Variants in NKD1 observed in about 807,000 individuals in gnomAD.
NKD1 encodes NKD inhibitor of Wnt signaling pathway 1, also known as protein naked cuticle homolog 1.
A neutral mutation model predicts 56.0 loss-of-function variants in NKD1; 21 were observed. The observed-to-expected ratio is 0.38, with a 90% CI of 0.27 to 0.54. The LOEUF (loss-of-function observed/expected upper bound fraction) is 0.54. Among genes scored for constraint, NKD1 ranks in the 20% least tolerant of loss-of-function variants. The pLI, the probability that NKD1 is intolerant of heterozygous loss-of-function variation, is 0.82. For missense variants in NKD1, 578 were observed against 642.7 expected (o/e 0.90, Z 1.09); for synonymous variants, 263 against 265.7 (o/e 0.99, Z 0.10).
At chr16:50,608,817 C>T (rs1961777913) in intron 4 of NKD1, among the ~76,000 whole-genome samples, 1 of 152,144 alleles carries the variant, frequency 6.6e-6, no homozygotes, top group Non-Finnish European at 1.5e-5. Flanking sequence ...CCTTTCACCT[C>T]TCTCCTCTGT....
chr16:50,644,398 GC>G lies in NKD1; in HGVS notation c.*10618del, dbSNP rs1962638177. 1 of 152,252 alleles carries G rather than the reference GC, an allele frequency of 6.6e-6. No individual in the cohort carries two copies. Among genetic ancestry groups the G allele is most frequent in the Non-Finnish European group, 1.5e-5 (1 of 68,048 alleles). 9.4% of individuals were successfully genotyped at this position (152,252 alleles called of 1,614,324 possible). A position where few individuals can be genotyped will look rare whatever the true frequency, so the allele number is the denominator to read the frequency against. On this transcript the variant is annotated 3_prime_UTR_variant, in exon 10 of 10. Transcript: ENST00000268459. ...CCCCACCCGCCCCCAGCGGGACCTAGCACATGGCCTGCTGTTGACACTCCAT... is the reference window on the plus strand; with the variant it reads ...CCCCACCCGCCCCCAGCGGGACCTAGACATGGCCTGCTGTTGACACTCCAT...
chr16:50,609,464 G>T (rs572279207), intron 4 of NKD1, among the ~76,000 whole-genome samples: 1 of 152,368 alleles, frequency 6.6e-6, no homozygotes, highest in South Asian at 2.1e-4. Context: ...GCTGGCTGGA[G>T]AGCTGGGGGG....
chr16:50,573,718 TA>T (rs1273616426), intron 3 of NKD1: 6 of 729,520 alleles, frequency 8.2e-6, no homozygotes, highest in African/African-American at 1.9e-5. Context: ...CAGCTGCTCC[TA>T]AAAGTGTCTC....
intron 3 of NKD1, among the ~76,000 whole-genome samples, chr16:50,576,837 G>A (rs1015395306): frequency 2.0e-5 from 3 of 150,754 alleles, no homozygotes; most frequent in Non-Finnish European, 4.4e-5. Context: ...CACCCACCCA[G>A]TGACCCACTG....
At chr16:50,589,358 A>G (rs1031308530) in intron 3 of NKD1, among the ~76,000 whole-genome samples, 3 of 152,202 alleles carry the variant, frequency 2.0e-5, no homozygotes, top group Non-Finnish European at 4.4e-5. Flanking sequence ...CTTTTTAAGC[A>G]TTAAACTTCA....
At chr16:50,565,279 G>A (rs1287985522) in intron 3 of NKD1, among the ~76,000 whole-genome samples, 1 of 152,052 alleles carries the variant, frequency 6.6e-6, no homozygotes, top group Non-Finnish European at 1.5e-5. Context: ...GGCCGAGGCA[G>A]GAGAATGGTG....
intron 3 of NKD1, among the ~76,000 whole-genome samples, chr16:50,559,079 G>A (rs1365857078): frequency 6.6e-6 from 1 of 152,222 alleles, no homozygotes; most frequent in Admixed American, 6.5e-5. Flanking sequence ...CGGTGGCCTT[G>A]GGCCAAGTGA....
intron 6 of NKD1, among the ~76,000 whole-genome samples, chr16:50,627,637 T>C (rs1962252291): frequency 6.6e-6 from 1 of 152,236 alleles, no homozygotes; most frequent in Non-Finnish European, 1.5e-5. Flanking sequence ...TCACGGCATC[T>C]GCAGCCCAGA....
intron 6 of NKD1, 33 bp downstream of exon 6, chr16:50,625,613 T>C (rs1298750639): frequency 7.2e-7 from 1 of 1,394,066 alleles, no homozygotes; most frequent in Admixed American, 1.7e-5. Context: ...TTGCCGTGTA[T>C]CATACCCGCA....
At chr16:50,605,916 C>T (rs114266140) in intron 3 of NKD1, among the ~76,000 whole-genome samples, 1,536 of 152,224 alleles carry the variant, frequency 0.01, 19 homozygotes, top group African/African-American at 0.034. Context: ...GGTCCAAAGG[C>T]GAGGCAGGCG....
chr16:50,599,556 A>G (rs1961549224), intron 3 of NKD1, among the ~76,000 whole-genome samples: 1 of 152,168 alleles, frequency 6.6e-6, no homozygotes, highest in Admixed American at 6.5e-5. Context: ...TTGGTCGGTG[A>G]TGCCCCTAAC....
At chr16:50,548,814 G>A in intron 2 of NKD1, 65 bp downstream of exon 2, 1 of 1,333,514 alleles carries the variant, frequency 7.5e-7, no homozygotes, top group Non-Finnish European at 9.5e-7. Flanking sequence ...GCGGCAGAAC[G>A]GCCCAGCCCG....
At chr16:50,631,014 G>T in intron 8 of NKD1, 104 bp downstream of exon 8, 1 of 779,808 alleles carries the variant, frequency 1.3e-6, no homozygotes, top group Non-Finnish European at 2.0e-6. Flanking sequence ...GTTCTCTTCA[G>T]GGAGCCAACA....
intron 3 of NKD1, among the ~76,000 whole-genome samples, chr16:50,582,742 C>T (rs911796482): frequency 1.3e-5 from 2 of 152,088 alleles, no homozygotes; most frequent in Admixed American, 6.5e-5. Flanking sequence ...GGCGCAGTGG[C>T]GCACGCCTGT....
intron 3 of NKD1, among the ~76,000 whole-genome samples, chr16:50,577,186 T>C (rs1337262198): frequency 6.6e-6 from 1 of 152,198 alleles, no homozygotes; most frequent in Non-Finnish European, 1.5e-5. Flanking sequence ...CCTCCTGACC[T>C]TGTGGCCCTC....
At chr16:50,548,655 T>C (rs752923904) in intron 1 of NKD1, 62 bp from the exon 2 acceptor site, 20 of 1,465,500 alleles carry the variant, frequency 1.4e-5, no homozygotes, top group Non-Finnish European at 1.8e-5. Context: ...CTCCCTTCCT[T>C]TCTTTCCTTC....
chr16:50,627,832 C>T (rs1416410963), intron 6 of NKD1, among the ~76,000 whole-genome samples: 1 of 152,208 alleles, frequency 6.6e-6, no homozygotes, highest in Non-Finnish European at 1.5e-5. Flanking sequence ...GCTGGGACCA[C>T]CCCCATCCTG....
intron 3 of NKD1, among the ~76,000 whole-genome samples, chr16:50,598,000 G>A (rs542884222): frequency 7.5e-4 from 114 of 152,292 alleles, no homozygotes; most frequent in African/African-American, 2.6e-3. Flanking sequence ...GGAGGAGGGC[G>A]CTCCGGGTGA....
chr16:50,548,875 C>T, intron 2 of NKD1, 126 bp downstream of exon 2: 1 of 1,145,806 alleles, frequency 8.7e-7, no homozygotes, highest in Non-Finnish European at 1.1e-6. Context: ...GGCCACCGGC[C>T]CCCCAAGCCC....
Sources: gnomAD v4.1 joint callset for allele counts (sites outside exome capture counted in the v4.1 genomes callset) on GRCh38, gnomAD v4.1.1 for gene constraint, MANE v1.5 for transcripts, NCBI Gene and HGNC (gene_info 2026-07-23, HGNC 2026-07-21) for gene names.